Variants in FGF13 observed in about 807,000 individuals in gnomAD.
FGF13 encodes the protein fibroblast growth factor 13.
FGF13 carries 2 observed loss-of-function variants against 19.5 expected under a neutral mutation model. That is an observed-to-expected ratio of 0.10 (90% CI 0.04 to 0.32). The LOEUF (loss-of-function observed/expected upper bound fraction) is 0.32, where lower values mean the gene tolerates loss of function less well. Among genes scored for constraint, FGF13 ranks in the 10% least tolerant of loss-of-function variants. The pLI is 1.00. For missense variants in FGF13, 113 were observed against 192.7 expected, an observed-to-expected ratio of 0.59 and a Z score of 2.45; for synonymous variants, 72 against 76.9, an observed-to-expected ratio of 0.94 and a Z score of 0.33.
rs554752640 is a variant in FGF13, at chrX:139,078,788, A to T, written c.-113+124628T>A. On this transcript the variant is annotated intron_variant, in intron 1 of 2. Coordinates refer to the FGF13 transcript ENST00000421460. ...AATAAGGAACTATCATTGGAAGCTG[A>T]TCCGATTTACACATAAATATACCCG... is the stretch of plus-strand genomic sequence containing the variant. Among the ~76,000 whole-genome samples the T allele has an allele frequency of 4.4e-5, 5 of 112,758 alleles. No individual in the cohort carries two copies. In the South Asian group the frequency reaches 1.1e-3, roughly 25 times the overall value.
intron 1 of FGF13, among the ~76,000 whole-genome samples, chrX:139,135,239 T>C (rs58425055): frequency 0.02 from 2,264 of 111,485 alleles, 55 homozygotes; most frequent in African/African-American, 0.07. Flanking sequence ...TAGGTATTAG[T>C]GGGAGTGAAA....
At position 138,793,428 on chromosome X, in the gene FGF13, G is replaced by A. The variant is rs181005957; in HGVS notation, c.217+64084C>T. 9.4e-3 allele frequency among the ~76,000 whole-genome samples: 1,045 copies of A among 111,355 alleles called. 4 individuals are homozygous for A. Among genetic ancestry groups the A allele is most frequent in the Non-Finnish European group, 0.015 (783 of 53,055 alleles). On this transcript the variant is annotated intron_variant, in intron 3 of 6. Coordinates refer to the FGF13 transcript ENST00000436198. ...AATCCCCAGCTACAGATTCCAGGATGGTCAGCATTCAGGGTGCAGGCCAAA... is the reference window on the plus strand; with the variant it reads ...AATCCCCAGCTACAGATTCCAGGATAGTCAGCATTCAGGGTGCAGGCCAAA...
At chrX:138,814,538 A>G in intron 3 of FGF13, among the ~76,000 whole-genome samples, 1 of 111,592 alleles carries the variant, frequency 9.0e-6, no homozygotes, top group Non-Finnish European at 1.9e-5. Context: ...AAAAATGAGC[A>G]AAGCACTTAA....
At chrX:139,071,494 C>A (rs771093067) in intron 1 of FGF13, among the ~76,000 whole-genome samples, 1 of 111,470 alleles carries the variant, frequency 9.0e-6, no homozygotes, top group South Asian at 3.8e-4. Flanking sequence ...TACTGTTGTC[C>A]AAGAGTTTTA....
At position 139,054,899 on chromosome X, in the gene FGF13, G is replaced by GTTGTATTGTATTGTA. The variant is rs555643117; in HGVS notation, c.-113+148502_-113+148516dup. ...GTTGTGTTGTGTTGTGTTGTGTTGT[G>GTTGTATTGTATTGTA]TTGTATTGTATTGTATTGTATTGTA... On this transcript the variant is annotated intron_variant, in intron 1 of 2. Coordinates refer to the FGF13 transcript ENST00000421460. 3.6e-3 allele frequency among the ~76,000 whole-genome samples: 355 copies of GTTGTATTGTATTGTA among 98,926 alleles called. 4 individuals are homozygous for GTTGTATTGTATTGTA. The highest frequency in any genetic ancestry group is 0.013 in the African/African-American group (309 of 24,272). The allele number at this position is 98,926 out of a possible 115,157, so 85.9% of individuals were successfully genotyped here.
intron 3 of FGF13, among the ~76,000 whole-genome samples, chrX:138,755,093 C>G (rs187200626): frequency 9.0e-6 from 1 of 111,681 alleles, no homozygotes; most frequent in African/African-American, 3.3e-5. Context: ...ATCTTAGAAG[C>G]CTCCAACATA....
intron 3 of FGF13, among the ~76,000 whole-genome samples, chrX:138,809,397 C>A (rs953444751): frequency 3.6e-5 from 4 of 111,438 alleles, no homozygotes; most frequent in Non-Finnish European, 7.5e-5. Context: ...ATTCTACAGC[C>A]CTTCATGCTA....
intron 3 of FGF13, among the ~76,000 whole-genome samples, chrX:138,838,913 C>A (rs953427660): frequency 5.4e-5 from 6 of 111,485 alleles, no homozygotes; most frequent in African/African-American, 2.0e-4. Flanking sequence ...ATCTATTTTA[C>A]ATGTGAGAAA....
chrX:138,707,783 C>T (rs932624164), intron 2 of FGF13, among the ~76,000 whole-genome samples: 1 of 111,675 alleles, frequency 9.0e-6, no homozygotes, highest in Admixed American at 9.5e-5. Context: ...GGTTATAGAT[C>T]GGCCATCAGC....
At chrX:139,043,961 T>C (rs1603153772) in intron 1 of FGF13, among the ~76,000 whole-genome samples, 1 of 111,482 alleles carries the variant, frequency 9.0e-6, no homozygotes, top group Non-Finnish European at 1.9e-5. Flanking sequence ...TACCAGGATC[T>C]TAGGGGAAGG....
chrX:138,963,997 A>T lies in FGF13; in HGVS notation c.-112-99347T>A, dbSNP rs780179098. Among the ~76,000 whole-genome samples, 297 of 111,525 alleles carry T rather than the reference A, an allele frequency of 2.7e-3. 2 individuals carry two copies. The highest frequency in any genetic ancestry group is 9.4e-3 in the African/African-American group (289 of 30,696). On this transcript the variant is annotated intron_variant, in intron 1 of 2. Transcript: ENST00000421460. ...AGCCAGGCAGTGGGCTAGGAGACTG[A>T]CTTGAACTGTTCAAATAATAGGCAA... is the stretch of plus-strand genomic sequence containing the variant.
chrX:138,931,151 C>G (rs1157804470), intron 1 of FGF13, among the ~76,000 whole-genome samples: 1 of 112,637 alleles, frequency 8.9e-6, no homozygotes, highest in Non-Finnish European at 1.9e-5. Context: ...GCAATAGTGA[C>G]TATGTGCTGT....
At chrX:138,984,579 AAGAAGAAGAAGG>A (rs1569436154) in intron 1 of FGF13, among the ~76,000 whole-genome samples, 21 of 49,475 alleles carry the variant, frequency 4.2e-4, no homozygotes, top group East Asian at 6.9e-4. Context: ...GAAGAAGAAG[AAGAAGAAGAAGG>A]AGGAGGAGGA....
chrX:138,685,472 T>A (rs1295847396), intron 3 of FGF13, among the ~76,000 whole-genome samples: 1 of 110,090 alleles, frequency 9.1e-6, no homozygotes, highest in Non-Finnish European at 1.9e-5. Flanking sequence ...GAAAAAAAAA[T>A]GGACAAAATG....
chrX:139,099,765 TA>T (rs1354100218), intron 1 of FGF13, among the ~76,000 whole-genome samples: 1 of 111,752 alleles, frequency 8.9e-6, no homozygotes, highest in Non-Finnish European at 1.9e-5. Context: ...TTTGAAACAC[TA>T]AACTTTACAT....
chrX:138,782,056 A>G (rs1273505326), intron 3 of FGF13, among the ~76,000 whole-genome samples: 1 of 111,800 alleles, frequency 8.9e-6, no homozygotes, highest in Non-Finnish European at 1.9e-5. Flanking sequence ...AAAGACAAAA[A>G]CCACATGATT....
intron 1 of FGF13, among the ~76,000 whole-genome samples, chrX:139,088,093 G>C (rs193173439): frequency 1.2e-3 from 133 of 111,778 alleles, no homozygotes; most frequent in African/African-American, 3.5e-3. Context: ...GGAGTCTGAC[G>C]TGAAGTATGT....
At chrX:139,179,656 G>T (rs2084223858) in intron 1 of FGF13, among the ~76,000 whole-genome samples, 1 of 112,538 alleles carries the variant, frequency 8.9e-6, no homozygotes. Context: ...TCACAAGATT[G>T]CTATGAGGAT....
intron 1 of FGF13, among the ~76,000 whole-genome samples, chrX:138,933,414 G>A (rs1218503974): frequency 1.8e-5 from 2 of 111,919 alleles, no homozygotes; most frequent in Non-Finnish European, 3.8e-5. Flanking sequence ...CTCAGGTTCT[G>A]TAGTGTAGAC....
Sources: allele counts gnomAD v4.1 joint callset (sites outside exome capture counted in the v4.1 genomes callset), GRCh38; gene constraint gnomAD v4.1.1; transcripts MANE v1.5; gene names NCBI Gene and HGNC (gene_info 2026-07-23, HGNC 2026-07-21).